The following RIMS2 variants were observed in gnomAD, a reference collection of about 807,000 sequenced individuals.
RIMS2 encodes regulating synaptic membrane exocytosis protein 2.
In RIMS2, 59 loss-of-function variants were observed where a neutral mutation model predicts 174.4. The ratio of observed to expected loss-of-function variants is 0.34; its 90% confidence interval spans 0.27 to 0.42. RIMS2 has a LOEUF of 0.42. Ranked by LOEUF, RIMS2 falls within the 10% of genes least tolerant of loss-of-function variation. The pLI is 1.00. For synonymous variants in RIMS2, 606 were observed against 572.5 expected (o/e 1.06, Z -0.84); for missense variants, 1,620 against 1,666.3 (o/e 0.97, Z 0.48).
chr8:103,927,808 T>C, intron 10 of RIMS2: 2 of 1,536,220 alleles, frequency 1.3e-6, no homozygotes, highest in Non-Finnish European at 1.8e-6. Flanking sequence ...TTTGGTTTTG[T>C]TTTATTGCTT....
At chr8:103,670,958 A>G (rs1057254151) in intron 1 of RIMS2, among the ~76,000 whole-genome samples, 2 of 152,062 alleles carry the variant, frequency 1.3e-5, no homozygotes, top group Non-Finnish European at 2.9e-5. Flanking sequence ...GTATTAGTCC[A>G]TTTTCATGCT....
chr8:103,516,856 A>G (rs184973666), intron 1 of RIMS2, among the ~76,000 whole-genome samples: 46 of 152,210 alleles, frequency 3.0e-4, no homozygotes, highest in Non-Finnish European at 4.9e-4. Flanking sequence ...CTACAAAGCC[A>G]TATACACTCT....
At chr8:103,547,708 A>G (rs1293399967) in intron 1 of RIMS2, among the ~76,000 whole-genome samples, 3 of 152,214 alleles carry the variant, frequency 2.0e-5, no homozygotes, top group South Asian at 2.1e-4. Flanking sequence ...ACAAAAGGTC[A>G]TTGAATCCAA....
chr8:103,730,203 T>C (rs1234007038), intron 2 of RIMS2, among the ~76,000 whole-genome samples: 2 of 152,122 alleles, frequency 1.3e-5, no homozygotes, highest in Non-Finnish European at 2.9e-5. Flanking sequence ...TTTAAGTCTC[T>C]CTCTCTTTCT....
At chr8:103,721,880 G>A (rs1021690474) in intron 2 of RIMS2, among the ~76,000 whole-genome samples, 2 of 152,126 alleles carry the variant, frequency 1.3e-5, no homozygotes, top group Non-Finnish European at 2.9e-5. Context: ...AAAAGATGGA[G>A]GAGTCAAGGA....
At chr8:103,545,822 G>C (rs1844780488) in intron 1 of RIMS2, among the ~76,000 whole-genome samples, 1 of 152,116 alleles carries the variant, frequency 6.6e-6, no homozygotes, top group Non-Finnish European at 1.5e-5. Flanking sequence ...TTTTTAACAA[G>C]TAAGGTCCTT....
chr8:103,528,108 T>C lies in RIMS2; in HGVS notation c.176+27046T>C, dbSNP rs1234406176. On this transcript the variant is annotated intron_variant, in intron 1 of 23. Transcript: ENST00000504942. ...CTAACTGGTGTGAGATGGCATCTCA[T>C]TGTGGTTTTGATTTGCATTTCTCTG... Among the ~76,000 whole-genome samples the C allele has an allele frequency of 5.9e-5, 9 of 152,216 alleles. No homozygotes were observed. In the East Asian group the frequency reaches 1.7e-3, roughly 29 times the overall value.
intron 1 of RIMS2, among the ~76,000 whole-genome samples, chr8:103,581,442 C>T (rs1261592525): frequency 6.6e-6 from 1 of 151,982 alleles, no homozygotes; most frequent in Non-Finnish European, 1.5e-5. Context: ...TGCCAAAGAC[C>T]CTCAACACAC....
chr8:103,881,719 G>T (rs1161390036), intron 3 of RIMS2, among the ~76,000 whole-genome samples: 2 of 151,472 alleles, frequency 1.3e-5, no homozygotes, highest in Admixed American at 6.6e-5. Context: ...TGTAAGCAAG[G>T]AATAGAAATG....
rs532856726 is a variant in RIMS2 at position 103,561,496 on chromosome 8, A to G, written c.176+60434A>G. On this transcript the variant is annotated intron_variant, in intron 1 of 23. Transcript: ENST00000504942. ...ATTTCTCTGTTATGACAGTGGTAGA[A>G]GTCAAGAGATACATAAACATTACCA... Among the ~76,000 whole-genome samples, 141 of 152,328 alleles carry G rather than the reference A, an allele frequency of 9.3e-4. 1 individual carries two copies. The South Asian group carries it at 0.028, about 30-fold the overall frequency.
chr8:104,026,134 G>A (rs755564788), intron 19 of RIMS2, among the ~76,000 whole-genome samples: 2 of 152,076 alleles, frequency 1.3e-5, no homozygotes, highest in Non-Finnish European at 2.9e-5. Flanking sequence ...TTAATCAAAT[G>A]ACTTGCATAA....
chr8:103,640,921 G>T (rs1326208054), intron 1 of RIMS2, among the ~76,000 whole-genome samples: 1 of 151,982 alleles, frequency 6.6e-6, no homozygotes, highest in Non-Finnish European at 1.5e-5. Context: ...TCTGCCAACT[G>T]TATATGTCAA....
intron 19 of RIMS2, among the ~76,000 whole-genome samples, chr8:104,155,191 C>A (rs1202123642): frequency 6.6e-6 from 1 of 152,046 alleles, no homozygotes; most frequent in Non-Finnish European, 1.5e-5. Context: ...ACTGCAAGCT[C>A]CTCCTCCCGG....
chr8:103,840,974 A>G (rs2098936306), intron 3 of RIMS2, among the ~76,000 whole-genome samples: 2 of 152,118 alleles, frequency 1.3e-5, no homozygotes. Context: ...TTCCTGCATC[A>G]GTGAAGGAAG....
rs1476779689 is a variant in RIMS2 at position 104,075,037 on chromosome 8, T to C, written c.3334+60422T>C. On this transcript the variant is annotated intron_variant, in intron 19 of 23. Transcript: ENST00000504942. ...TTATGTTTTAATTTTACAGCAGTGATAGAAACAAAATACTTGGGGAAAAGT... is the reference window on the plus strand; with the variant it reads ...TTATGTTTTAATTTTACAGCAGTGACAGAAACAAAATACTTGGGGAAAAGT... 1.3e-5 allele frequency among the ~76,000 whole-genome samples: 2 copies of C among 152,150 alleles called. 1 individual carries two copies. Among genetic ancestry groups the C allele is most frequent in the African/African-American group, 4.8e-5 (2 of 41,436 alleles).
At chr8:103,824,698 G>A (rs1874519) in intron 3 of RIMS2, among the ~76,000 whole-genome samples, 23,901 of 152,050 alleles carry the variant, frequency 0.16, 1,992 homozygotes, top group Middle Eastern at 0.24. Context: ...GTGGGACATG[G>A]GACCCATGTT....
intron 3 of RIMS2, among the ~76,000 whole-genome samples, chr8:103,775,819 T>A (rs1301020362): frequency 1.3e-5 from 2 of 152,180 alleles, no homozygotes; most frequent in Non-Finnish European, 2.9e-5. Flanking sequence ...TTTTACTGCA[T>A]AGAAGTCAGT....
At chr8:104,113,709 T>C (rs13276571) in intron 19 of RIMS2, among the ~76,000 whole-genome samples, 28,809 of 151,310 alleles carry the variant, frequency 0.19, 2,788 homozygotes, top group South Asian at 0.32. Flanking sequence ...ACATATAATA[T>C]GTACATATAG....
intron 19 of RIMS2, among the ~76,000 whole-genome samples, chr8:104,157,251 T>G (rs572095299): frequency 6.6e-6 from 1 of 152,232 alleles, no homozygotes; most frequent in African/African-American, 2.4e-5. Context: ...AAGGTACTTA[T>G]ATAGCATCTA....
Sources: gnomAD v4.1 joint callset for allele counts (sites outside exome capture counted in the v4.1 genomes callset) on GRCh38, gnomAD v4.1.1 for gene constraint, MANE v1.5 for transcripts, NCBI Gene and HGNC (gene_info 2026-07-23, HGNC 2026-07-21) for gene names.